KIF19: variants seen among roughly 807,000 people sequenced by gnomAD.
KIF19 encodes kinesin family member 19.
In KIF19, 98 loss-of-function variants were observed where a neutral mutation model predicts 106.6. That is an observed-to-expected ratio of 0.92 (90% confidence interval 0.78 to 1.09). The LOEUF (loss-of-function observed/expected upper bound fraction) is 1.09. Ranked by LOEUF, KIF19 falls within the 50% of genes least tolerant of loss-of-function variation. The probability of loss-of-function intolerance (pLI) is 0.00; values close to 1 mark genes in which losing one functional copy is unlikely to be tolerated. For missense variants in KIF19, 1,373 were observed against 1,414.3 expected, an observed-to-expected ratio of 0.97 and a Z score of 0.47; for synonymous variants, 516 against 584.2, an observed-to-expected ratio of 0.88 and a Z score of 1.68.
intron 17 of KIF19, 147 bp downstream of exon 17, chr17:74,353,728 C>T: frequency 1.4e-6 from 1 of 692,906 alleles, no homozygotes; most frequent in Non-Finnish European, 2.5e-6. Flanking sequence ...CACCATTGCC[C>T]CTGAGGATTA....
chr17:74,349,362 G>A lies in KIF19; in HGVS notation c.1213+13G>A. 5 of 1,582,626 alleles carry A rather than the reference G, an allele frequency of 3.2e-6. No homozygotes were observed. The highest frequency in any genetic ancestry group is 1.2e-5 in the South Asian group (1 of 85,128). ...CGCCACATCCAAGGTGCGCCTGTGG[G>A]TCTGTGTGAGTGGCAGCCCCCTCCG... On this transcript the variant is annotated intron_variant, in intron 10 of 19. Transcript: ENST00000389916.
chr17:74,353,160 G>C lies in KIF19; in HGVS notation c.2115-36G>C. 3 of 1,520,950 alleles carry C rather than the reference G, an allele frequency of 2.0e-6. No individual in the cohort carries two copies. In the South Asian group the frequency reaches 3.6e-5, roughly 18 times the overall value. 94.2% of individuals were successfully genotyped at this position (1,520,950 alleles called of 1,614,324 possible). A position where few individuals can be genotyped will look rare whatever the true frequency, so the allele number is the denominator to read the frequency against. On this transcript the variant is annotated intron_variant, in intron 15 of 19. Transcript: ENST00000389916. ...GGGTGGGACCTCGGTGAGATAGCCT[G>C]GTCTACAGCCACTCATCTTCCTCTG... is the stretch of plus-strand genomic sequence containing the variant.
intron 8 of KIF19, 91 bp from the exon 9 acceptor site, chr17:74,347,685 AT>A: frequency 6.9e-7 from 1 of 1,443,238 alleles, no homozygotes; most frequent in African/African-American, 1.4e-5. Context: ...AGACAGAGAG[AT>A]TGCACTCGCC....
At position 74,350,888 on chromosome 17, in the gene KIF19, C is replaced by T. The variant is rs376851411; in HGVS notation, c.1570C>T (p.Gln524Ter). The T allele has an allele frequency of 1.4e-5, 22 of 1,613,646 alleles. No individual in the cohort carries two copies. Among genetic ancestry groups the T allele is most frequent in the Middle Eastern group, 1.6e-4 (1 of 6,084 alleles). Reference protein sequence around the residue: ...SIAALVDEQKQLRKQKLALEQ... With the variant: ...SIAALVDEQK ...TGCAGCCCTGGTGGACGAGCAGAAGCAACTGCGCAAGCAGAAGGTGTCCAG... is the reference window on the plus strand; with the variant it reads ...TGCAGCCCTGGTGGACGAGCAGAAGTAACTGCGCAAGCAGAAGGTGTCCAG... The change falls in exon 12 of 20, where the codon CAA becomes TAA. Residue 524 changes from glutamine (Q) to a stop codon, truncating the protein, a stop_gained. Transcript: ENST00000389916. LOFTEE classifies it high-confidence loss of function.
intron 13 of KIF19, 25 bp downstream of exon 13, chr17:74,352,162 T>C: frequency 6.3e-7 from 1 of 1,586,818 alleles, no homozygotes; most frequent in Non-Finnish European, 8.6e-7. Flanking sequence ...CCCGCGCATC[T>C]GAGCCACCCG....
intron 17 of KIF19, 121 bp downstream of exon 17, chr17:74,353,702 A>T: frequency 1.3e-6 from 1 of 796,026 alleles, no homozygotes; most frequent in Non-Finnish European, 2.1e-6. Context: ...ATTGGGTGCT[A>T]CACATTCTGT....
rs1431056304 is a variant in KIF19, at chr17:74,352,656, G to GTGC, written c.1981-165_1981-164insTGC. Among the ~76,000 whole-genome samples, 3 of 152,268 alleles carry GTGC rather than the reference G, an allele frequency of 2.0e-5. No individual in the cohort carries two copies. In the East Asian group the frequency reaches 5.8e-4, roughly 29 times the overall value. On this transcript the variant is annotated intron_variant, in intron 14 of 19. Transcript: ENST00000389916. The stretch of plus-strand genomic sequence containing the variant: ...CAGGCAGTGCCACTGGGGAAGCCTA[G>GTGC]CAGACCACAGCTTAACCCCGAGGAC...
chr17:74,332,045 A>C (rs1421954355), intron 2 of KIF19, among the ~76,000 whole-genome samples: 1 of 152,118 alleles, frequency 6.6e-6, no homozygotes, highest in Admixed American at 6.5e-5. Flanking sequence ...GGGGTTAATA[A>C]ATGTGAATGT....
chr17:74,345,281 C>A (rs565037038), intron 7 of KIF19, among the ~76,000 whole-genome samples: 1 of 152,106 alleles, frequency 6.6e-6, no homozygotes, highest in African/African-American at 2.4e-5. Context: ...GGGGTTTCTC[C>A]AGGGAAGGAG....
rs747181589 is a variant in KIF19 at position 74,354,238 on chromosome 17, C to T, written c.2385C>T (p.Thr795=). Residue 795 remains threonine, a synonymous_variant, in exon 18 of 20, where the codon ACC becomes ACT. Coordinates refer to ENST00000389916, the MANE Select transcript of KIF19 (RefSeq NM_153209.4). ...GGCGGCGCTCGCGGGCCCTGGGAAC[C>T]GAGGGGCGACACCTGCTGGCACCCG... ...AARRRSRALG[T]EGRHLLAPAT... The T allele has an allele frequency of 3.5e-5, 56 of 1,608,428 alleles. No homozygotes were observed. The highest frequency in any genetic ancestry group is 1.5e-4 in the African/African-American group (11 of 74,920).
rs542328296 is a variant in KIF19, at chr17:74,340,134, G to C, written c.121-1742G>C. Among the ~76,000 whole-genome samples the C allele has an allele frequency of 2.0e-5, 3 of 152,252 alleles. No individual in the cohort carries two copies. In the Middle Eastern group the frequency reaches 0.01, roughly 518 times the overall value. On this transcript the variant is annotated intron_variant, in intron 2 of 19. Transcript: ENST00000389916. ...CCCATCTGACAGAGGAGGAGATGGA[G>C]GCTCAAGCAGGTTATACCAGGCCCG...
chr17:74,339,209 G>A (rs2054292955), intron 2 of KIF19, among the ~76,000 whole-genome samples: 1 of 151,920 alleles, frequency 6.6e-6, no homozygotes, highest in Admixed American at 6.6e-5. Context: ...GCCCCTCGTG[G>A]GAGTAGGGGT....
Position 74,340,555 on chromosome 17 carries a change from G to GCGCACACACACACACACACACACACA in KIF19, c.121-1321_121-1320insCGCACACACACACACACACACACACA. On this transcript the variant is annotated intron_variant, in intron 2 of 19. Coordinates refer to ENST00000389916, the MANE Select transcript of KIF19 (RefSeq NM_153209.4). The stretch of plus-strand genomic sequence containing the variant: ...CACGTGCCAGCAGGTATGCGCGCGC[G>GCGCACACACACACACACACACACACA]TACACACACACACACACACTGCTGC... Among the ~76,000 whole-genome samples, 53 of 148,302 alleles carry GCGCACACACACACACACACACACACA rather than the reference G, an allele frequency of 3.6e-4. 1 individual carries two copies. Among genetic ancestry groups the GCGCACACACACACACACACACACACA allele is most frequent in the Middle Eastern group, 3.5e-3 (1 of 288 alleles).
At chr17:74,341,277 C>A (rs866884604) in intron 2 of KIF19, among the ~76,000 whole-genome samples, 1 of 152,168 alleles carries the variant, frequency 6.6e-6, no homozygotes, top group East Asian at 1.9e-4. Context: ...GAGATCACAC[C>A]ACTGCACTCC....
intron 6 of KIF19, 127 bp from the exon 7 acceptor site, chr17:74,344,634 C>A: frequency 9.7e-7 from 1 of 1,030,558 alleles, no homozygotes. Flanking sequence ...GGAGCCCAGC[C>A]CACTCCAGCC....
chr17:74,337,677 G>A (rs1486739867), intron 2 of KIF19, among the ~76,000 whole-genome samples: 1 of 152,198 alleles, frequency 6.6e-6, no homozygotes, highest in Non-Finnish European at 1.5e-5. Flanking sequence ...CCTGTGCTCT[G>A]GCACTTTCCA....
Position 74,339,196 on chromosome 17 carries a change from A to G in KIF19, c.121-2680A>G, listed in dbSNP as rs772881080. 9.9e-5 allele frequency among the ~76,000 whole-genome samples: 15 copies of G among 151,952 alleles called. 1 individual carries two copies. The highest frequency in any genetic ancestry group is 4.1e-4 in the South Asian group (2 of 4,828). On this transcript the variant is annotated intron_variant, in intron 2 of 19. Transcript: ENST00000389916. ...AACTCCCCTACCTGCCCCACCCCACAAGGCCCCTCGTGGGAGTAGGGGTGG... is the reference window on the plus strand; with the variant it reads ...AACTCCCCTACCTGCCCCACCCCACGAGGCCCCTCGTGGGAGTAGGGGTGG...
chr17:74,343,038 T>C lies in KIF19; in HGVS notation c.334T>C (p.Tyr112His). 6.4e-7 allele frequency: 1 copy of C among 1,561,058 alleles called. No homozygotes were observed. Among genetic ancestry groups the C allele is most frequent in the Non-Finnish European group, 8.7e-7 (1 of 1,147,550 alleles). Residue 112 changes from tyrosine (Y) to histidine (H), a missense_variant, in exon 5 of 20, where the codon TAC (tyrosine) becomes CAC (histidine). Physicochemically the swap from Tyr to His is moderately conservative, Grantham distance 83. Around this residue, in one of 3 missense-constraint regions of KIF19, gnomAD observed 348 missense variants for 389.5 expected, o/e 0.89. Coordinates refer to ENST00000389916, the MANE Select transcript of KIF19 (RefSeq NM_153209.4). ...TTCTGCCCCAGGCTGTGGGAAAACC[T>C]ACACCATGCTGGGCACAGACCAGGA... Reference protein sequence around the residue: ...AYGPTGCGKTYTMLGTDQEPG... With the variant: ...AYGPTGCGKTHTMLGTDQEPG...
Position 74,351,821 on chromosome 17 carries a change from C to T in KIF19, c.1588-46C>T, listed in dbSNP as rs1461416202. The T allele has an allele frequency of 5.1e-6, 7 of 1,369,700 alleles. 1 individual carries two copies. The African/African-American group carries it at 6.1e-5, about 12-fold the overall frequency. 84.8% of individuals were successfully genotyped at this position (1,369,700 alleles called of 1,614,324 possible). ...TCGAGGACGAGCTGGGCAGGCGGATCGGACCCCTCTCCCCGCTGCCAGATG... is the reference window on the plus strand; with the variant it reads ...TCGAGGACGAGCTGGGCAGGCGGATTGGACCCCTCTCCCCGCTGCCAGATG... On this transcript the variant is annotated intron_variant, in intron 12 of 19. Transcript: ENST00000389916.
Sources: gnomAD v4.1 joint callset for allele counts (sites outside exome capture counted in the v4.1 genomes callset) on GRCh38, gnomAD v4.1.1 for gene constraint, gnomAD v4.1.1 regional missense constraint, MANE v1.5 for transcripts, NCBI Gene and HGNC (gene_info 2026-07-23, HGNC 2026-07-21) for gene names.